The following CELF2 variants were observed in gnomAD, a reference collection of about 807,000 sequenced individuals.
CELF2 encodes CUGBP Elav-like family member 2.
A neutral mutation model predicts 62.6 loss-of-function variants in CELF2; 8 were observed. That is an observed-to-expected ratio of 0.13 (90% confidence interval 0.07 to 0.23). CELF2 has a LOEUF of 0.23. CELF2 is among the 10% of genes least tolerant of loss of function. CELF2 has a pLI of 1.00. For synonymous variants in CELF2, 258 were observed against 250.0 expected (o/e 1.03, Z -0.30); for missense variants, 333 against 671.0 (o/e 0.50, Z 5.56).
chr10:11,017,739 T>C (rs1451205808), upstream of CELF2, among the ~76,000 whole-genome samples: 1 of 151,826 alleles, frequency 6.6e-6, no homozygotes, highest in Admixed American at 6.6e-5. The surrounding 1 kb of genome is among the most constrained non-coding windows in gnomAD (Gnocchi z 5.5). Context: ...CCCTGAGAAG[T>C]CTGGCCGTGC....
intron 1 of CELF2, among the ~76,000 whole-genome samples, chr10:11,090,341 A>C (rs2141912773): frequency 6.6e-6 from 1 of 152,310 alleles, no homozygotes. Context: ...TTCCTCCCAG[A>C]TTGAAGGACT....
rs901902059 is a variant in CELF2 at position 10,936,022 on chromosome 10, C to T, written c.89+16023C>T. On this transcript the variant is annotated intron_variant, in intron 2 of 13. Coordinates refer to the CELF2 transcript ENST00000636488. The surrounding 1 kb of genome is among the most constrained non-coding windows in gnomAD (Gnocchi z 4.0). ...CAAAAAAAAAAAAAAATTAGCCAGG[C>T]GTGGTGGCACACACCTGTAGTCCCA... is the stretch of plus-strand genomic sequence containing the variant. Among the ~76,000 whole-genome samples the T allele has an allele frequency of 4.0e-5, 6 of 151,396 alleles. No individual in the cohort carries two copies. Among genetic ancestry groups the T allele is most frequent in the African/African-American group, 7.3e-5 (3 of 41,014 alleles).
the CELF2 span, among the ~76,000 whole-genome samples, chr10:10,622,096 G>A: frequency 0.027 from 4,059 of 152,240 alleles, 168 homozygotes; most frequent in African/African-American, 0.091. Flanking sequence ...TTGTCCTCTC[G>A]TCCTGACAGT....
At chr10:11,205,133 G>A (rs1017433519) in intron 2 of CELF2, among the ~76,000 whole-genome samples, 2 of 152,154 alleles carry the variant, frequency 1.3e-5, no homozygotes, top group African/African-American at 4.8e-5. Flanking sequence ...AAGGCCATGC[G>A]AATGGGTGAA....
intron 1 of CELF2, among the ~76,000 whole-genome samples, chr10:11,073,778 G>A (rs1252219081): frequency 6.6e-6 from 1 of 152,208 alleles, no homozygotes; most frequent in Non-Finnish European, 1.5e-5. Context: ...GATGGCTGCA[G>A]GGTGGTGGCT....
At chr10:10,756,683 T>G in the CELF2 span, among the ~76,000 whole-genome samples, 1 of 152,212 alleles carries the variant, frequency 6.6e-6, no homozygotes. Flanking sequence ...TTTCTTTTCT[T>G]GAACTACCAC....
At position 11,329,056 on chromosome 10, in the gene CELF2, C is replaced by G. The variant is rs367797051; in HGVS notation, c.*3C>G. On this transcript the variant is annotated 3_prime_UTR_variant, in exon 13 of 13. Transcript: ENST00000633077. The surrounding 1 kb of genome is among the most constrained non-coding windows in gnomAD (Gnocchi z 5.5). ...AAAACGACAGCAAACCTTACTGATC[C>G]TAACCCCAGAGGCTCCCTGCTCTCA... 17 of 1,610,230 alleles carry G rather than the reference C, an allele frequency of 1.1e-5. No individual in the cohort carries two copies. The African/African-American group carries it at 2.1e-4, about 20-fold the overall frequency.
At chr10:11,002,265 G>C (rs2054593357), upstream of CELF2, among the ~76,000 whole-genome samples, 1 of 152,162 alleles carries the variant, frequency 6.6e-6, no homozygotes. This position sits in a 1 kb window ranked among gnomAD's most constrained non-coding sequence, Gnocchi z 4.4. Context: ...AGAACAGAAT[G>C]GGGAAAACCG....
chr10:10,740,052 C>T, the CELF2 span, among the ~76,000 whole-genome samples: 1 of 151,766 alleles, frequency 6.6e-6, no homozygotes, highest in Non-Finnish European at 1.5e-5. Context: ...AATATTTTCT[C>T]TCAATTCATA....
At chr10:10,907,115 G>GCA (rs151026953) in intron 1 of CELF2, among the ~76,000 whole-genome samples, 3 of 151,044 alleles carry the variant, frequency 2.0e-5, no homozygotes, top group Admixed American at 2.0e-4. Context: ...ACACGCAAAC[G>GCA]CACACACACA....
chr10:11,062,154 GAA>G (rs149881609), intron 1 of CELF2, among the ~76,000 whole-genome samples: 8 of 151,344 alleles, frequency 5.3e-5, no homozygotes, highest in East Asian at 3.9e-4. Flanking sequence ...CTCAGGGGGG[GAA>G]AAAAAAATTC....
intron 1 of CELF2, among the ~76,000 whole-genome samples, chr10:11,109,586 C>T (rs1289873221): frequency 6.6e-6 from 1 of 152,172 alleles, no homozygotes; most frequent in East Asian, 1.9e-4. Context: ...GACTGTGGCC[C>T]AGGTTTCCTC....
intron 1 of CELF2, among the ~76,000 whole-genome samples, chr10:11,007,927 A>C (rs1163922279): frequency 6.6e-6 from 1 of 152,166 alleles, no homozygotes; most frequent in Non-Finnish European, 1.5e-5. Context: ...TTAGGTACGG[A>C]AACGAGGTAA....
intron 2 of CELF2, among the ~76,000 whole-genome samples, chr10:10,952,798 A>T (rs753107658): frequency 5.9e-5 from 9 of 152,188 alleles, no homozygotes; most frequent in Non-Finnish European, 1.0e-4. Flanking sequence ...AGTGTAGTTG[A>T]AAAAGGAAAT....
intron 12 of CELF2, among the ~76,000 whole-genome samples, chr10:11,327,115 C>G (rs1035961462): frequency 1.3e-5 from 2 of 150,082 alleles, no homozygotes; most frequent in Admixed American, 6.7e-5. Context: ...CAGTCGGGAC[C>G]CATTCGGCGG....
At chr10:11,236,798 A>G (rs906982617) in intron 3 of CELF2, among the ~76,000 whole-genome samples, 10 of 152,234 alleles carry the variant, frequency 6.6e-5, no homozygotes, top group African/African-American at 2.4e-4. Flanking sequence ...GGCAAAGGAA[A>G]TACGTGTGTA....
chr10:10,723,592 T>C, the CELF2 span, among the ~76,000 whole-genome samples: 2 of 152,344 alleles, frequency 1.3e-5, no homozygotes, highest in African/African-American at 4.8e-5. Context: ...AGGTGCCCAG[T>C]GTACACAGTT....
chr10:10,847,873 T>C (rs2059117069), intron 1 of CELF2, among the ~76,000 whole-genome samples: 1 of 152,180 alleles, frequency 6.6e-6, no homozygotes, highest in African/African-American at 2.4e-5. Context: ...AGATACAACA[T>C]TGGCTGCACA....
At chr10:10,906,660 TG>T (rs1298716924) in intron 1 of CELF2, among the ~76,000 whole-genome samples, 21 of 152,136 alleles carry the variant, frequency 1.4e-4, no homozygotes, top group Non-Finnish European at 2.9e-4. Context: ...GAGAGTGTTC[TG>T]TAATAGGCAA....
Sources: gnomAD v4.1 joint callset for allele counts (sites outside exome capture counted in the v4.1 genomes callset) on GRCh38, gnomAD v4.1.1 for gene constraint, Gnocchi (gnomAD v3.1) non-coding constraint, MANE v1.5 for transcripts, NCBI Gene and HGNC (gene_info 2026-07-23, HGNC 2026-07-21) for gene names.